The following MLLT1 variants were observed in gnomAD, a reference collection of about 807,000 sequenced individuals.
MLLT1 encodes the protein MLLT1 super elongation complex subunit.
A neutral mutation model predicts 55.1 loss-of-function variants in MLLT1; 11 were observed. That is an observed-to-expected ratio of 0.20 (90% CI 0.13 to 0.33). MLLT1 has a LOEUF of 0.33. MLLT1 is among the 10% of genes least tolerant of loss of function. The pLI is 1.00. For synonymous variants in MLLT1, 323 were observed against 320.1 expected (o/e 1.01, Z -0.10); for missense variants, 536 against 760.6 (o/e 0.70, Z 3.47).
intron 3 of MLLT1, among the ~76,000 whole-genome samples, chr19:6,243,120 A>G (rs1163031559): frequency 6.6e-6 from 1 of 152,208 alleles, no homozygotes; most frequent in Non-Finnish European, 1.5e-5. Context: ...AAAATCAACC[A>G]TGCTAAAGTC....
At position 6,214,010 on chromosome 19, in the gene MLLT1, T is replaced by G. The variant is rs372950224; in HGVS notation, c.1336A>C (p.Asn446His). The G allele has an allele frequency of 2.8e-6, 4 of 1,451,054 alleles. No individual in the cohort carries two copies. Among genetic ancestry groups the G allele is most frequent in the Non-Finnish European group, 3.6e-6 (4 of 1,103,256 alleles). 89.9% of individuals were successfully genotyped at this position (1,451,054 alleles called of 1,614,324 possible). ...RLSFSDSESDNSADSSLPSRE... is the reference protein window; with the variant it reads ...RLSFSDSESDHSADSSLPSRE... ...CTGGGCAGGGAGGAGTCGGCGCTGT[T>G]GTCACTCTCGCTGTCGCTGAAGCTC... Residue 446 changes from asparagine to histidine, a missense_variant, in exon 9 of 12, where the codon AAC becomes CAC. Asn to His is a moderately conservative substitution (Grantham distance 68, BLOSUM62 1). Coordinates refer to ENST00000252674, the MANE Select transcript of MLLT1 (RefSeq NM_005934.4).
At chr19:6,241,433 C>T (rs2091112196) in intron 3 of MLLT1, among the ~76,000 whole-genome samples, 1 of 152,212 alleles carries the variant, frequency 6.6e-6, no homozygotes, top group African/African-American at 2.4e-5. Context: ...GAAAGATGGC[C>T]TCAGAGAAGC....
Position 6,212,814 on chromosome 19 carries a change from C to T in MLLT1, c.*228G>A. 1.1e-6 allele frequency: 1 copy of T among 910,822 alleles called. No homozygotes were observed. Among genetic ancestry groups the T allele is most frequent in the Middle Eastern group, 3.7e-4 (1 of 2,702 alleles). The allele number at this position is 910,822 out of a possible 1,614,324, so 56.4% of individuals were successfully genotyped here. A position where few individuals can be genotyped will look rare whatever the true frequency, so the allele number is the denominator to read the frequency against. ...CGCTCTCTGAGGGGAGCCCAGAGAG[C>T]CCGGGGGGCGGCTCCCGTGTGGCCC... On this transcript the variant is annotated 3_prime_UTR_variant, in exon 12 of 12. Coordinates refer to ENST00000252674, the MANE Select transcript of MLLT1 (RefSeq NM_005934.4).
Position 6,222,041 on chromosome 19 carries a change from C to A in MLLT1, c.1110+80G>T. On this transcript the variant is annotated intron_variant, in intron 6 of 11. Transcript: ENST00000252674. The surrounding 1 kb of genome is among the most constrained non-coding windows in gnomAD (Gnocchi z 4.1). The stretch of plus-strand genomic sequence containing the variant: ...CCTGAGGTCCTGGCTCAGATCCCAC[C>A]TCCTTCCGCTGTTCCAGAAGGGAGG... 2 of 1,258,908 alleles carry A rather than the reference C, an allele frequency of 1.6e-6. No individual in the cohort carries two copies. The highest frequency in any genetic ancestry group is 4.0e-5 in the South Asian group (2 of 49,752). 78.0% of individuals were successfully genotyped at this position (1,258,908 alleles called of 1,614,324 possible).
rs376208827 is a variant in MLLT1 at position 6,214,045 on chromosome 19, C to G, written c.1308-7G>C. On this transcript the variant is annotated splice_polypyrimidine_tract_variant and splice_region_variant and intron_variant, in intron 8 of 11. Transcript: ENST00000252674. Reference sequence around the variant, plus strand: ...GCTGTCGCTGAAGCTCAACCTGAACCGACACACGGGGGCGCATCAGGCCCC... The same window carrying G: ...GCTGTCGCTGAAGCTCAACCTGAACGGACACACGGGGGCGCATCAGGCCCC... 7.0e-7 allele frequency: 1 copy of G among 1,427,408 alleles called. No individual in the cohort carries two copies. The highest frequency in any genetic ancestry group is 1.4e-5 in the African/African-American group (1 of 69,250). The allele number at this position is 1,427,408 out of a possible 1,614,324, so 88.4% of individuals were successfully genotyped here.
chr19:6,249,271 T>C (rs553969681), intron 3 of MLLT1, among the ~76,000 whole-genome samples: 1 of 152,208 alleles, frequency 6.6e-6, no homozygotes, highest in South Asian at 2.1e-4. Context: ...TCTTTTGAAC[T>C]TTTTTAACGC....
rs565246015 is a variant in MLLT1 at position 6,256,607 on chromosome 19, A to G, written c.276+5621T>C. ...GTCTCTACTACAAATACAAAAAATT[A>G]GCCAGGCGTGGTGGCGGGCACCTGT... On this transcript the variant is annotated intron_variant, in intron 3 of 11. Transcript: ENST00000252674. The surrounding 1 kb of genome is among the most constrained non-coding windows in gnomAD (Gnocchi z 4.1). Among the ~76,000 whole-genome samples the G allele has an allele frequency of 3.6e-4, 55 of 152,156 alleles. No individual in the cohort carries two copies. Among genetic ancestry groups the G allele is most frequent in the African/African-American group, 1.3e-3 (53 of 41,504 alleles).
chr19:6,250,840 G>A (rs1899913382), intron 3 of MLLT1, among the ~76,000 whole-genome samples: 1 of 152,194 alleles, frequency 6.6e-6, no homozygotes, highest in South Asian at 2.1e-4. Flanking sequence ...GGTGGGAACA[G>A]CCTGCATGGC....
chr19:6,256,536 T>C lies in MLLT1; in HGVS notation c.276+5692A>G, dbSNP rs1246373360. Among the ~76,000 whole-genome samples, 3 of 151,868 alleles carry C rather than the reference T, an allele frequency of 2.0e-5. No individual in the cohort carries two copies. Among genetic ancestry groups the C allele is most frequent in the South Asian group, 2.1e-4 (1 of 4,810 alleles). ...TTGGGAGGCCGAGGTGGGTGGATCA[T>C]GAGGTCAGGAGATCGAGACCATCCT... is the stretch of plus-strand genomic sequence containing the variant. On this transcript the variant is annotated intron_variant, in intron 3 of 11. Coordinates refer to ENST00000252674, the MANE Select transcript of MLLT1 (RefSeq NM_005934.4). This position sits in a 1 kb window ranked among gnomAD's most constrained non-coding sequence, Gnocchi z 4.1.
At chr19:6,234,477 C>G (rs941461361) in intron 3 of MLLT1, among the ~76,000 whole-genome samples, 1 of 152,220 alleles carries the variant, frequency 6.6e-6, no homozygotes, top group African/African-American at 2.4e-5. Context: ...TCTTGTCCTG[C>G]CTTTCCTACA....
rs767569367 is a variant in MLLT1, at chr19:6,214,032, G to A, written c.1314C>T (p.Ser438=). The A allele has an allele frequency of 3.5e-6, 5 of 1,445,648 alleles. No individual in the cohort carries two copies. The highest frequency in any genetic ancestry group is 2.8e-5 in the Admixed American group (1 of 35,748). 89.6% of individuals were successfully genotyped at this position (1,445,648 alleles called of 1,614,324 possible). A position where few individuals can be genotyped will look rare whatever the true frequency, so the allele number is the denominator to read the frequency against. Reference sequence around the variant, plus strand: ...TGTTGTCACTCTCGCTGTCGCTGAAGCTCAACCTGAACCGACACACGGGGG... The same window carrying A: ...TGTTGTCACTCTCGCTGTCGCTGAAACTCAACCTGAACCGACACACGGGGG... ...KTNPGRDSRL[S]FSDSESDNSA... The change falls in exon 9 of 12, where the codon AGC becomes AGT. Residue 438 remains serine (S), a synonymous_variant. Transcript: ENST00000252674.
chr19:6,228,983 G>A (rs1239197907), intron 4 of MLLT1, among the ~76,000 whole-genome samples: 1 of 152,152 alleles, frequency 6.6e-6, no homozygotes, highest in East Asian at 1.9e-4. Context: ...CCCGCCCCTG[G>A]CTTTTATGTG....
chr19:6,252,375 A>G (rs1485952365), intron 3 of MLLT1, among the ~76,000 whole-genome samples: 2 of 152,158 alleles, frequency 1.3e-5, no homozygotes, highest in Non-Finnish European at 2.9e-5. Context: ...GGCCTCCACA[A>G]TCACGTGAGC....
intron 8 of MLLT1, among the ~76,000 whole-genome samples, chr19:6,214,470 A>G (rs2090818958): frequency 6.6e-6 from 1 of 152,012 alleles, no homozygotes; most frequent in South Asian, 2.1e-4. Flanking sequence ...TGGCCGCCTG[A>G]CCCTGGTTTG....
rs763372791 is a variant in MLLT1 at position 6,213,956 on chromosome 19, G to A, written c.1390C>T (p.Pro464Ser). The change falls in exon 9 of 12, where the codon CCC (proline) becomes TCC (serine). Residue 464 changes from proline to serine, a missense_variant. Physicochemically the swap from Pro to Ser is moderately conservative, Grantham distance 74. Coordinates refer to ENST00000252674, the MANE Select transcript of MLLT1 (RefSeq NM_005934.4). ...SREPPPPQKP[P>S]PPNSKVSGRR... ...AGGCTCACCTTGCTGTTGGGCGGGG[G>A]TGGCTTCTGGGGGGGTGGGGGCTCA... 2.5e-5 allele frequency: 37 copies of A among 1,455,038 alleles called. No individual in the cohort carries two copies. Among genetic ancestry groups the A allele is most frequent in the Non-Finnish European group, 3.1e-5 (34 of 1,100,836 alleles). The allele number at this position is 1,455,038 out of a possible 1,614,324, so 90.1% of individuals were successfully genotyped here.
chr19:6,226,535 T>C lies in MLLT1; in HGVS notation c.546+442A>G, dbSNP rs1316880802. On this transcript the variant is annotated intron_variant, in intron 5 of 11. Coordinates refer to ENST00000252674, the MANE Select transcript of MLLT1 (RefSeq NM_005934.4). This position sits in a 1 kb window ranked among gnomAD's most constrained non-coding sequence, Gnocchi z 6.3. Reference sequence around the variant, plus strand: ...CCCCACGAAACTCTGCAGTGAGCCATAGCCCGAGATGCAAAGCCTGGCATA... The same window carrying C: ...CCCCACGAAACTCTGCAGTGAGCCACAGCCCGAGATGCAAAGCCTGGCATA... 3.3e-5 allele frequency among the ~76,000 whole-genome samples: 5 copies of C among 152,096 alleles called. No homozygotes were observed.
chr19:6,211,528 C>T lies in MLLT1; in HGVS notation c.*1514G>A. The T allele has an allele frequency of 1.1e-6, 1 of 910,076 alleles. No homozygotes were observed. Among genetic ancestry groups the T allele is most frequent in the Non-Finnish European group, 1.4e-6 (1 of 737,208 alleles). The allele number at this position is 910,076 out of a possible 1,614,324, so 56.4% of individuals were successfully genotyped here. A position where few individuals can be genotyped will look rare whatever the true frequency, so the allele number is the denominator to read the frequency against. On this transcript the variant is annotated 3_prime_UTR_variant, in exon 12 of 12. Transcript: ENST00000252674. The surrounding 1 kb of genome is among the most constrained non-coding windows in gnomAD (Gnocchi z 4.6). ...CCTCAGGGAGGGACAGATGGAGCCC[C>T]CCAAGTCTGAACTCATAGGCTGGGG...
At chr19:6,245,261 T>TTTC (rs1568287590) in intron 3 of MLLT1, among the ~76,000 whole-genome samples, 3 of 150,776 alleles carry the variant, frequency 2.0e-5, no homozygotes, top group African/African-American at 4.9e-5. Flanking sequence ...TTCTTTCTTT[T>TTTC]TTTTTTTTTT....
intron 3 of MLLT1, among the ~76,000 whole-genome samples, chr19:6,237,761 C>T (rs1040035474): frequency 2.4e-5 from 3 of 127,384 alleles, no homozygotes; most frequent in African/African-American, 9.7e-5. Flanking sequence ...AGACTCTTGT[C>T]TCAAAAAAAA....
Sources: gnomAD v4.1 joint callset for allele counts (sites outside exome capture counted in the v4.1 genomes callset) on GRCh38, gnomAD v4.1.1 for gene constraint, Gnocchi (gnomAD v3.1) non-coding constraint, MANE v1.5 for transcripts, NCBI Gene and HGNC (gene_info 2026-07-23, HGNC 2026-07-21) for gene names.